Variants in NLGN3 observed in about 807,000 individuals in gnomAD.
NLGN3 encodes the protein neuroligin 3, also known as neuroligin-3.
Under a neutral mutation model 42.9 loss-of-function variants are expected in NLGN3, and 11 were observed. The observed-to-expected ratio is 0.26, with a 90% CI of 0.16 to 0.42. The LOEUF is 0.42. NLGN3 is among the 10% of genes least tolerant of loss of function. The pLI is 1.00. For synonymous variants in NLGN3, 279 were observed against 312.7 expected, an observed-to-expected ratio of 0.89 and a Z score of 1.14; for missense variants, 374 against 733.8, an observed-to-expected ratio of 0.51 and a Z score of 5.67.
chrX:71,171,201 A>G lies in NLGN3; in HGVS notation c.*1104A>G, dbSNP rs2092470473. 1.3e-6 allele frequency: 1 copy of G among 750,278 alleles called. No individual in the cohort carries two copies. The highest frequency in any genetic ancestry group is 1.6e-6 in the Non-Finnish European group (1 of 638,453). The allele number at this position is 750,278 out of a possible 1,213,427, so 61.8% of individuals were successfully genotyped here. A position where few individuals can be genotyped will look rare whatever the true frequency, so the allele number is the denominator to read the frequency against. On this transcript the variant is annotated 3_prime_UTR_variant, in exon 8 of 8. Transcript: ENST00000358741. ...ATAAAAAATCCAGTTAGCACTCCCA[A>G]CCTGCCTCCCTTGCACAGGCCTTGC...
rs1044337641 is a variant in NLGN3, at chrX:71,147,729, G to C, written c.-21G>C. 13 of 1,189,079 alleles carry C rather than the reference G, an allele frequency of 1.1e-5. No individual in the cohort carries two copies. Among genetic ancestry groups the C allele is most frequent in the Non-Finnish European group, 1.5e-5 (13 of 882,746 alleles). ...TGTGACCCTGGAGTCTGCCTCTCCTGCCAGTCCCCCTGCCCGGAACATGTG... is the reference window on the plus strand; with the variant it reads ...TGTGACCCTGGAGTCTGCCTCTCCTCCCAGTCCCCCTGCCCGGAACATGTG... On this transcript the variant is annotated 5_prime_UTR_variant, in exon 2 of 8. Coordinates refer to ENST00000358741, the MANE Select transcript of NLGN3 (RefSeq NM_181303.2).
intron 6 of NLGN3, among the ~76,000 whole-genome samples, chrX:71,165,501 T>A (rs2092443739): frequency 9.0e-6 from 1 of 110,974 alleles, no homozygotes; most frequent in African/African-American, 3.3e-5. Flanking sequence ...ATAGGGGGCC[T>A]GTGTCTCTGG....
chrX:71,147,460 G>C (rs749291007), intron 1 of NLGN3, 90 bp from the exon 2 acceptor site: 43 of 409,956 alleles, frequency 1.0e-4, no homozygotes, highest in Non-Finnish European at 1.6e-4. Flanking sequence ...ACCTATAAGA[G>C]AATAGCCCAA....
chrX:71,163,224 G>A (rs959335268), intron 5 of NLGN3, among the ~76,000 whole-genome samples: 9 of 111,080 alleles, frequency 8.1e-5, no homozygotes, highest in African/African-American at 3.0e-4. Flanking sequence ...CAGTGGGGGG[G>A]CGGGAAGACC....
intron 5 of NLGN3, among the ~76,000 whole-genome samples, chrX:71,163,031 T>C (rs2092435454): frequency 9.1e-6 from 1 of 110,252 alleles, no homozygotes; most frequent in Non-Finnish European, 1.9e-5. Flanking sequence ...AGAGATGAAA[T>C]AAGGCCGCAG....
chrX:71,156,429 C>T (rs183522460), intron 5 of NLGN3, among the ~76,000 whole-genome samples: 1 of 110,564 alleles, frequency 9.0e-6, no homozygotes, highest in Non-Finnish European at 1.9e-5. Flanking sequence ...CACACCATAT[C>T]CACATCTATA....
intron 3 of NLGN3, 76 bp downstream of exon 3, chrX:71,148,981 C>T (rs1289171641): frequency 3.2e-6 from 2 of 634,265 alleles, no homozygotes; most frequent in Non-Finnish European, 4.6e-6. Context: ...GCCCCCAGGA[C>T]CCAGCCTTCC....
intron 5 of NLGN3, among the ~76,000 whole-genome samples, chrX:71,161,115 CTTTTTTTTT>C (rs375604446): frequency 8.8e-5 from 8 of 91,223 alleles, no homozygotes; most frequent in Non-Finnish European, 1.7e-4. Context: ...TCTTTTCTTT[CTTTTTTTTT>C]TTTTTTTGAG....
intron 3 of NLGN3, among the ~76,000 whole-genome samples, chrX:71,152,355 C>T (rs747268837): frequency 1.6e-4 from 18 of 110,464 alleles, no homozygotes; most frequent in Non-Finnish European, 3.0e-4. Flanking sequence ...CCTCCTTGCC[C>T]CTTCTCTCCC....
Position 71,148,005 on chromosome X carries a change from C to A in NLGN3, c.256C>A (p.Pro86Thr). ...CCCGATCGGCGAGAAACGTTTCCTG[C>A]CCCCTGAACCACCCCCATCCTGGTC... ...APPIGEKRFL[P>T]PEPPPSWSGI... The change falls in exon 2 of 8, where the codon CCC becomes ACC. Residue 86 changes from proline (P) to threonine (T), a missense_variant. By Grantham distance (38) the Pro-to-Thr change is conservative. Coordinates refer to ENST00000358741, the MANE Select transcript of NLGN3 (RefSeq NM_181303.2). 1 of 1,206,235 alleles carries A rather than the reference C, an allele frequency of 8.3e-7. No homozygotes were observed. The highest frequency in any genetic ancestry group is 1.1e-6 in the Non-Finnish European group (1 of 890,996).
At chrX:71,161,914 T>G (rs1249000633) in intron 5 of NLGN3, among the ~76,000 whole-genome samples, 1 of 113,109 alleles carries the variant, frequency 8.8e-6, no homozygotes, top group Non-Finnish European at 1.9e-5. Context: ...AGGCCAGGCA[T>G]GTTTGACACA....
chrX:71,159,320 C>T (rs1231615892), intron 5 of NLGN3, among the ~76,000 whole-genome samples: 1 of 89,375 alleles, frequency 1.1e-5, no homozygotes, highest in Non-Finnish European at 2.2e-5. Context: ...GACTCCATCT[C>T]AAAAAAAAAA....
downstream of NLGN3, chrX:71,171,271 G>A: frequency 1.4e-6 from 1 of 691,822 alleles, no homozygotes; most frequent in Non-Finnish European, 1.7e-6. Context: ...CTGGGAATCA[G>A]GCAATCAGGC....
intron 7 of NLGN3, 88 bp from the exon 8 acceptor site, chrX:71,169,166 A>G: frequency 8.5e-6 from 9 of 1,063,272 alleles, no homozygotes; most frequent in Non-Finnish European, 1.2e-5. Flanking sequence ...CTAAACTGGG[A>G]AAGAGGTTTG....
At chrX:71,168,849 GAA>G (rs777088760) in intron 7 of NLGN3, among the ~76,000 whole-genome samples, 3 of 84,875 alleles carry the variant, frequency 3.5e-5, no homozygotes, top group Non-Finnish European at 6.3e-5. Flanking sequence ...AAGAAAGAAA[GAA>G]AGAAAGAAAG....
intron 5 of NLGN3, among the ~76,000 whole-genome samples, chrX:71,159,817 C>T (rs1036983327): frequency 9.3e-5 from 10 of 107,500 alleles, no homozygotes; most frequent in East Asian, 2.9e-4. Flanking sequence ...CCTCTGCCGC[C>T]GGGTTCAAGC....
chrX:71,148,796 C>T, intron 2 of NLGN3, 50 bp from the exon 3 acceptor site: 1 of 1,112,501 alleles, frequency 9.0e-7, no homozygotes, highest in South Asian at 2.1e-5. Context: ...GGGTGCATGC[C>T]CCTGGGCAGA....
chrX:71,162,980 A>G (rs2092435279), intron 5 of NLGN3, among the ~76,000 whole-genome samples: 1 of 112,179 alleles, frequency 8.9e-6, no homozygotes, highest in Non-Finnish European at 1.9e-5. Flanking sequence ...CTAGGGCAGG[A>G]GAAGACAGAG....
chrX:71,170,456 C>A lies in NLGN3; in HGVS notation c.*359C>A, dbSNP rs1049533035. ...CAGCTGGACACCCCCTTGGTGCTCG[C>A]CTTCGGCCTCTCTTGGAACTGCACC... On this transcript the variant is annotated 3_prime_UTR_variant, in exon 8 of 8. Transcript: ENST00000358741. 1.1e-6 allele frequency: 1 copy of A among 920,041 alleles called. No individual in the cohort carries two copies. Among genetic ancestry groups the A allele is most frequent in the Non-Finnish European group, 1.4e-6 (1 of 739,989 alleles). 75.8% of individuals were successfully genotyped at this position (920,041 alleles called of 1,213,427 possible).
Sources: allele counts gnomAD v4.1 joint callset (sites outside exome capture counted in the v4.1 genomes callset), GRCh38; gene constraint gnomAD v4.1.1; transcripts MANE v1.5; gene names NCBI Gene and HGNC (gene_info 2026-07-23, HGNC 2026-07-21).